SETD5: variants seen among roughly 807,000 people sequenced by gnomAD.
SETD5 encodes SET domain containing 5.
SETD5 carries 44 observed loss-of-function variants against 153.3 expected under a neutral mutation model. That is an observed-to-expected ratio of 0.29 (90% confidence interval 0.23 to 0.37). The LOEUF (loss-of-function observed/expected upper bound fraction) is 0.37, where lower values mean the gene tolerates loss of function less well. Ranked by LOEUF, SETD5 falls within the 10% of genes least tolerant of loss-of-function variation. SETD5 has a pLI of 1.00. For missense variants in SETD5, 1,544 were observed against 1,768.0 expected (o/e 0.87, Z 2.27); for synonymous variants, 716 against 645.2 (o/e 1.11, Z -1.66).
At chr3:9,412,401 T>G (rs530238298) in intron 1 of SETD5, among the ~76,000 whole-genome samples, 28 of 140,968 alleles carry the variant, frequency 2.0e-4, no homozygotes, top group South Asian at 1.2e-3. Context: ...TTTTTTTTTT[T>G]TTTTTTTTTT....
At chr3:9,417,947 T>TG (rs200171877) in intron 1 of SETD5, among the ~76,000 whole-genome samples, 3,122 of 150,016 alleles carry the variant, frequency 0.021, 106 homozygotes, top group Admixed American at 0.09. Flanking sequence ...GTTTTGTTTT[T>TG]TTTTTTTTTT....
chr3:9,470,789 T>G lies in SETD5; in HGVS notation c.3055T>G (p.Cys1019Gly). 1 of 1,613,882 alleles carries G rather than the reference T, an allele frequency of 6.2e-7. No homozygotes were observed. The highest frequency in any genetic ancestry group is 8.5e-7 in the Non-Finnish European group (1 of 1,179,822). The part of the protein sequence containing the change: ...RKPLHLDGGY[C>G]SPAEGFSSRY... ...GCCTTTACATTTGGATGGGGGATAT[T>G]GTTCCCCTGCAGAAGGATTTTCCAG... The change falls in exon 19 of 23, where the codon TGT (cysteine) becomes GGT (glycine). Residue 1019 changes from cysteine (C) to glycine (G), a missense_variant. Physicochemically the swap from Cys to Gly is radical, Grantham distance 159. Around this residue, in one of 9 missense-constraint regions of SETD5, gnomAD observed 782 missense variants for 787.2 expected, o/e 0.99. Transcript: ENST00000402198.
intron 4 of SETD5, 27 bp downstream of exon 4, chr3:9,433,977 A>T (rs1170810610): frequency 6.2e-7 from 1 of 1,611,760 alleles, no homozygotes; most frequent in Admixed American, 1.7e-5. Context: ...TTCTCTCCAG[A>T]ACAGTGATCT....
chr3:9,423,041 T>C (rs34665459), intron 1 of SETD5, among the ~76,000 whole-genome samples: 39,556 of 152,174 alleles, frequency 0.26, 5,971 homozygotes, highest in African/African-American at 0.41. Flanking sequence ...TTATTGGACT[T>C]TTGTCTGCCA....
chr3:9,462,362 T>G (rs922464757), intron 17 of SETD5, among the ~76,000 whole-genome samples: 1 of 151,014 alleles, frequency 6.6e-6, no homozygotes, highest in Non-Finnish European at 1.5e-5. Context: ...CCGAGGCGGG[T>G]GGATCACGAG....
In SETD5 at chr3:9,473,554, T is replaced by C. The variant is rs1189376734; in HGVS notation, c.3497+17T>C. The stretch of plus-strand genomic sequence containing the variant: ...CAGTAGGTGGTAAGTTTATATTTGA[T>C]GTTTTATAGTTAAATTGGGGGTGGG... On this transcript the variant is annotated intron_variant, in intron 20 of 22. Coordinates refer to ENST00000402198, the MANE Select transcript of SETD5 (RefSeq NM_001080517.3). The C allele has an allele frequency of 5.7e-6, 9 of 1,591,758 alleles. No homozygotes were observed. Among genetic ancestry groups the C allele is most frequent in the Non-Finnish European group, 7.7e-6 (9 of 1,167,272 alleles).
intron 3 of SETD5, 184 bp from the exon 4 acceptor site, chr3:9,433,661 A>G: frequency 2.3e-6 from 2 of 860,550 alleles, no homozygotes; most frequent in Admixed American, 2.7e-5. Context: ...ATCCACATTT[A>G]ATAACACTCC....
intron 16 of SETD5, among the ~76,000 whole-genome samples, chr3:9,451,690 C>T (rs2042645050): frequency 6.6e-6 from 1 of 152,162 alleles, no homozygotes; most frequent in Non-Finnish European, 1.5e-5. Flanking sequence ...AAGGAGTCTG[C>T]CCACCTTGGC....
intron 7 of SETD5, among the ~76,000 whole-genome samples, chr3:9,438,241 G>A (rs1298187688): frequency 6.6e-6 from 1 of 152,156 alleles, no homozygotes; most frequent in Admixed American, 6.5e-5. Flanking sequence ...TCATGCCTTT[G>A]CTGGATCCGT....
intron 1 of SETD5, among the ~76,000 whole-genome samples, chr3:9,409,731 G>C (rs2036259731): frequency 6.6e-6 from 1 of 152,142 alleles, no homozygotes; most frequent in Non-Finnish European, 1.5e-5. Flanking sequence ...ATTTTTCAAT[G>C]AACAAAGTTT....
rs2042105756 is a variant in SETD5 at position 9,447,053 on chromosome 3, A to G, written c.1528A>G (p.Arg510Gly). Residue 510 changes from arginine (R) to glycine (G), a missense_variant, in exon 14 of 23, where the codon AGG becomes GGG. Arg to Gly is a moderately radical substitution (Grantham distance 125, BLOSUM62 -2). Transcript: ENST00000402198. Reference protein sequence around the residue: ...QENLAHSRRTREDRKVEAIMH... With the variant: ...QENLAHSRRTGEDRKVEAIMH... ...CACCAGTACTATCTCTTTCTAGACC[A>G]GGGAAGATAGAAAGGTAGAAGCCAT... 1 of 1,609,102 alleles carries G rather than the reference A, an allele frequency of 6.2e-7. No individual in the cohort carries two copies. Among genetic ancestry groups the G allele is most frequent in the Non-Finnish European group, 8.5e-7 (1 of 1,177,264 alleles).
At chr3:9,454,433 A>T (rs956807331) in intron 17 of SETD5, among the ~76,000 whole-genome samples, 5 of 152,018 alleles carry the variant, frequency 3.3e-5, no homozygotes, top group African/African-American at 1.2e-4. Context: ...AACGTGGCCA[A>T]CATGGTGAAA....
chr3:9,425,038 A>G (rs143814568), intron 2 of SETD5, among the ~76,000 whole-genome samples: 114 of 143,474 alleles, frequency 7.9e-4, no homozygotes, highest in Admixed American at 1.8e-3. Context: ...AGAAATTTAT[A>G]GTTACCGACA....
chr3:9,465,720 CTGGG>C (rs2044474539), intron 18 of SETD5, among the ~76,000 whole-genome samples: 1 of 152,160 alleles, frequency 6.6e-6, no homozygotes, highest in Admixed American at 6.5e-5. Context: ...AGACCTCTTT[CTGGG>C]TGAGGGAAAA....
At chr3:9,433,159 A>G (rs1399623889) in intron 3 of SETD5, among the ~76,000 whole-genome samples, 1 of 152,252 alleles carries the variant, frequency 6.6e-6, no homozygotes. Flanking sequence ...ATTATTTGTC[A>G]GTAGACTAAC....
chr3:9,462,486 C>T (rs1171466250), intron 17 of SETD5, among the ~76,000 whole-genome samples: 2 of 150,184 alleles, frequency 1.3e-5, no homozygotes, highest in Non-Finnish European at 2.9e-5. Context: ...ACTCGGGAGG[C>T]TGAGGCAGGA....
chr3:9,441,601 G>C lies in SETD5; in HGVS notation c.819G>C (p.Leu273=), dbSNP rs1428406043. The C allele has an allele frequency of 2.5e-6, 4 of 1,613,784 alleles. No individual in the cohort carries two copies. Among genetic ancestry groups the C allele is most frequent in the Non-Finnish European group, 3.4e-6 (4 of 1,179,746 alleles). The change falls in exon 9 of 23, where the codon CTG becomes CTC. Residue 273 remains leucine, a synonymous_variant. Coordinates refer to ENST00000402198, the MANE Select transcript of SETD5 (RefSeq NM_001080517.3). Reference sequence around the variant, plus strand: ...GCTCTGGTTTTATTCAGTTACAGCTGGGAAGAGTCACTCGTGTTCAAAAGC... The same window carrying C: ...GCTCTGGTTTTATTCAGTTACAGCTCGGAAGAGTCACTCGTGTTCAAAAGC... ...TVIGSQMQLQ[L]GRVTRVQKHR... is the part of the protein sequence containing the mutation.
Position 9,424,514 on chromosome 3 carries a change from A to G in SETD5, c.-129A>G, listed in dbSNP as rs1347812195. The G allele has an allele frequency of 6.6e-6, 1 of 152,198 alleles. No homozygotes were observed. Among genetic ancestry groups the G allele is most frequent in the African/African-American group, 2.4e-5 (1 of 41,434 alleles). 9.4% of individuals were successfully genotyped at this position (152,198 alleles called of 1,614,324 possible). ...AATTTGGGGGGACTTCATATTCAGA[A>G]GTCTATATAAAGGTGACTGACCCAA... is the stretch of plus-strand genomic sequence containing the variant. On this transcript the variant is annotated 5_prime_UTR_variant, in exon 2 of 23. Transcript: ENST00000402198.
chr3:9,464,273 T>G (rs1422202672), intron 17 of SETD5, among the ~76,000 whole-genome samples, 152 bp from the exon 18 acceptor site: 2 of 152,180 alleles, frequency 1.3e-5, no homozygotes, highest in African/African-American at 4.8e-5. Context: ...AAAGAGTTTC[T>G]TTGGGATTTT....
Sources: gnomAD v4.1 joint callset for allele counts (sites outside exome capture counted in the v4.1 genomes callset) on GRCh38, gnomAD v4.1.1 for gene constraint, gnomAD v4.1.1 regional missense constraint, MANE v1.5 for transcripts, NCBI Gene and HGNC (gene_info 2026-07-23, HGNC 2026-07-21) for gene names.